EYS: variants seen among roughly 807,000 people sequenced by gnomAD.
EYS encodes EGF-like photoreceptor maintenance factor.
EYS carries 250 observed loss-of-function variants against 282.1 expected under a neutral mutation model. The ratio of observed to expected loss-of-function variants is 0.89; its 90% CI spans 0.80 to 0.98. The LOEUF is 0.98. Among genes scored for constraint, EYS ranks in the 50% least tolerant of loss-of-function variants. The pLI is 0.00. For missense variants in EYS, 4,016 were observed against 3,709.0 expected, an observed-to-expected ratio of 1.08 and a Z score of -2.15; for synonymous variants, 1,355 against 1,282.9, an observed-to-expected ratio of 1.06 and a Z score of -1.20.
At chr6:64,391,604 C>T (rs1238673803) in intron 28 of EYS, among the ~76,000 whole-genome samples, 4 of 152,014 alleles carry the variant, frequency 2.6e-5, no homozygotes, top group Admixed American at 2.0e-4. Context: ...CAGGCCTGCC[C>T]TAAAAGAGCT....
intron 12 of EYS, among the ~76,000 whole-genome samples, chr6:65,194,307 A>G (rs906593888): frequency 3.3e-5 from 5 of 151,986 alleles, no homozygotes; most frequent in Non-Finnish European, 7.4e-5. Flanking sequence ...TGATATTTCA[A>G]GTGGCTCATG....
chr6:64,578,246 A>G (rs1206345433), intron 26 of EYS, among the ~76,000 whole-genome samples: 1 of 151,972 alleles, frequency 6.6e-6, no homozygotes, highest in Admixed American at 6.6e-5. Flanking sequence ...AGGTCTTAAA[A>G]TTGCCTAAAA....
chr6:64,015,717 G>A (rs1768860007), intron 33 of EYS, among the ~76,000 whole-genome samples: 1 of 152,292 alleles, frequency 6.6e-6, no homozygotes, highest in African/African-American at 2.4e-5. Flanking sequence ...AGGGTAAGAA[G>A]GAAAGACATT....
At chr6:65,397,998 T>C (rs1766351428) in intron 7 of EYS, among the ~76,000 whole-genome samples, 1 of 152,112 alleles carries the variant, frequency 6.6e-6, no homozygotes, top group Non-Finnish European at 1.5e-5. Flanking sequence ...TGTATTTATC[T>C]GATGATTAAA....
chr6:64,529,588 A>G (rs1009942163), intron 26 of EYS, among the ~76,000 whole-genome samples: 19 of 137,654 alleles, frequency 1.4e-4, no homozygotes, highest in African/African-American at 4.5e-4. Flanking sequence ...GTCACCAACT[A>G]TAAGAATTGA....
intron 29 of EYS, among the ~76,000 whole-genome samples, chr6:64,337,651 C>A (rs934304229): frequency 2.6e-5 from 4 of 151,906 alleles, no homozygotes; most frequent in African/African-American, 7.2e-5. Flanking sequence ...CATCTTAATC[C>A]CAAAACCAGG....
intron 28 of EYS, among the ~76,000 whole-genome samples, chr6:64,417,769 C>G (rs1388132796): frequency 1.4e-5 from 2 of 144,408 alleles, no homozygotes; most frequent in Non-Finnish European, 3.0e-5. Flanking sequence ...CTCCTGGGTT[C>G]AAGAGATTCT....
intron 8 of EYS, among the ~76,000 whole-genome samples, chr6:65,357,992 C>T (rs1502958): frequency 0.67 from 102,209 of 151,612 alleles, 34,546 homozygotes; most frequent in South Asian, 0.71. Context: ...ATGAAGTTAA[C>T]TTTCAGTAGA....
chr6:65,136,486 A>C (rs763083093), intron 12 of EYS, among the ~76,000 whole-genome samples: 1 of 152,066 alleles, frequency 6.6e-6, no homozygotes, highest in Non-Finnish European at 1.5e-5. Flanking sequence ...AACACTTCAG[A>C]TATGTGATAT....
chr6:64,290,290 A>C, intron 30 of EYS, among the ~76,000 whole-genome samples: 1 of 152,098 alleles, frequency 6.6e-6, no homozygotes, highest in Admixed American at 6.6e-5. Context: ...CCTTAATGAC[A>C]GGGACTTTAT....
At chr6:64,940,978 G>C (rs920686624) in intron 15 of EYS, among the ~76,000 whole-genome samples, 7 of 152,034 alleles carry the variant, frequency 4.6e-5, no homozygotes, top group African/African-American at 1.7e-4. Flanking sequence ...GAGTGTGTTT[G>C]TATGCAATTC....
chr6:64,392,818 A>C lies in EYS; in HGVS notation c.5928-3978T>G, dbSNP rs552093449. On this transcript the variant is annotated intron_variant, in intron 28 of 42. Coordinates refer to ENST00000503581, the MANE Select transcript of EYS (RefSeq NM_001142800.2). Reference sequence around the variant, plus strand: ...GAAATAGAGACACAAAAAACCCTTCAAAAAATTAATGAATCCAGGAGCTGG... The same window carrying C: ...GAAATAGAGACACAAAAAACCCTTCCAAAAATTAATGAATCCAGGAGCTGG... Among the ~76,000 whole-genome samples, 359 of 151,930 alleles carry C rather than the reference A, an allele frequency of 2.4e-3. 3 individuals carry two copies. Among genetic ancestry groups the C allele is most frequent in the African/African-American group, 8.0e-3 (332 of 41,376 alleles).
At chr6:65,314,006 C>T (rs1241081929) in intron 11 of EYS, among the ~76,000 whole-genome samples, 1 of 152,144 alleles carries the variant, frequency 6.6e-6, no homozygotes, top group Admixed American at 6.5e-5. Flanking sequence ...TCCCCTCCAG[C>T]CTTGCTGACC....
At chr6:65,655,454 T>C (rs564742861) in intron 1 of EYS, among the ~76,000 whole-genome samples, 3 of 151,872 alleles carry the variant, frequency 2.0e-5, no homozygotes, top group Admixed American at 6.6e-5. Flanking sequence ...TATAAATATA[T>C]GTTGATAGTG....
rs71551553 is a variant in EYS, at chr6:64,000,168, C to CTTTTT, written c.6726-990_6726-986dup. 4.1e-3 allele frequency among the ~76,000 whole-genome samples: 176 copies of CTTTTT among 42,722 alleles called. 56 individuals are homozygous for CTTTTT. The highest frequency in any genetic ancestry group is 5.7e-3 in the Non-Finnish European group (129 of 22,776). 28.0% of individuals were successfully genotyped at this position (42,722 alleles called of 152,430 possible). On this transcript the variant is annotated intron_variant, in intron 33 of 42. Transcript: ENST00000503581. The stretch of plus-strand genomic sequence containing the variant: ...CTGAGGAGTTTCCCAAGACATGGGA[C>CTTTTT]TTTTTTTTTTTTTTTTTTTTTTTTT...
intron 26 of EYS, among the ~76,000 whole-genome samples, chr6:64,484,305 T>A (rs1776521556): frequency 6.6e-6 from 1 of 151,554 alleles, no homozygotes; most frequent in Non-Finnish European, 1.5e-5. Flanking sequence ...ATTATGTTGA[T>A]TCAGCAAAGT....
chr6:64,827,884 T>C (rs754201121), intron 19 of EYS, among the ~76,000 whole-genome samples: 25 of 151,590 alleles, frequency 1.6e-4, no homozygotes, highest in Non-Finnish European at 2.9e-4. Context: ...TCAAAAATTA[T>C]GAAATGTAAA....
chr6:65,207,819 G>C (rs504780), intron 12 of EYS, among the ~76,000 whole-genome samples: 1 of 151,640 alleles, frequency 6.6e-6, no homozygotes, highest in Non-Finnish European at 1.5e-5. Flanking sequence ...AAATTGGCTA[G>C]TCTACGTATA....
chr6:64,952,562 C>G (rs1769548506), intron 14 of EYS, among the ~76,000 whole-genome samples: 2 of 152,110 alleles, frequency 1.3e-5, no homozygotes, highest in East Asian at 1.9e-4. Context: ...GTTTCCTTTA[C>G]TTTCTTCCAC....
Sources: allele counts gnomAD v4.1 joint callset (sites outside exome capture counted in the v4.1 genomes callset), GRCh38; gene constraint gnomAD v4.1.1; transcripts MANE v1.5; gene names NCBI Gene and HGNC (gene_info 2026-07-23, HGNC 2026-07-21).